IQCK: variants seen among roughly 807,000 people sequenced by gnomAD.
IQCK encodes the protein IQ domain-containing protein K.
In IQCK, 29 loss-of-function variants were observed where a neutral mutation model predicts 28.1. The observed-to-expected ratio is 1.03, with a 90% CI of 0.77 to 1.41. The LOEUF is 1.41. Ranked by LOEUF, IQCK falls within the 40% of genes most tolerant of loss-of-function variation. The probability of loss-of-function intolerance (pLI) is 0.00; values close to 1 mark genes in which losing one functional copy is unlikely to be tolerated. For synonymous variants in IQCK, 113 were observed against 115.1 expected, an observed-to-expected ratio of 0.98 and a Z score of 0.12; for missense variants, 359 against 314.7, an observed-to-expected ratio of 1.14 and a Z score of -1.07.
At chr16:19,718,522 C>T (rs375848009) in intron 1 of IQCK, 35 bp downstream of exon 1, 447 of 1,521,344 alleles carry the variant, frequency 2.9e-4, no homozygotes, top group Non-Finnish European at 3.7e-4. Context: ...GGGGCGGGAC[C>T]CGGGCGGCCG....
intron 4 of IQCK, among the ~76,000 whole-genome samples, chr16:19,748,508 A>G (rs1410920970): frequency 1.3e-5 from 2 of 152,264 alleles, no homozygotes; most frequent in Non-Finnish European, 2.9e-5. Flanking sequence ...TTGTGAGGAT[A>G]AATGAGTTAA....
At chr16:19,814,393 C>T (rs1232241649) in intron 7 of IQCK, among the ~76,000 whole-genome samples, 1 of 151,892 alleles carries the variant, frequency 6.6e-6, no homozygotes, top group Non-Finnish European at 1.5e-5. Flanking sequence ...TGACGAGAAA[C>T]TCCATCTCAA....
At chr16:19,848,043 G>A (rs574650368) in intron 9 of IQCK, among the ~76,000 whole-genome samples, 1 of 152,196 alleles carries the variant, frequency 6.6e-6, no homozygotes, top group Non-Finnish European at 1.5e-5. Context: ...TGGATTTGGA[G>A]TTGCTGGGTT....
intron 4 of IQCK, among the ~76,000 whole-genome samples, chr16:19,756,158 T>C (rs2055049273): frequency 1.3e-5 from 2 of 152,190 alleles, no homozygotes; most frequent in Admixed American, 1.3e-4. Flanking sequence ...CACTCCAGCC[T>C]GGGTGATAGT....
chr16:19,813,860 C>CTTTTG lies in IQCK; in HGVS notation c.691-13146_691-13142dup, dbSNP rs554455168. On this transcript the variant is annotated intron_variant, in intron 7 of 7. Coordinates refer to ENST00000564186, the Ensembl canonical transcript of IQCK. ...GTTGTTTGGGAGGAGGCTGGACAGC[C>CTTTTG]TTTTGTTTTGTTTTGTTTTGTTTTT... 4.8e-4 allele frequency among the ~76,000 whole-genome samples: 73 copies of CTTTTG among 152,076 alleles called. 3 individuals carry two copies. In the South Asian group the frequency reaches 0.013, roughly 26 times the overall value.
intron 4 of IQCK, among the ~76,000 whole-genome samples, chr16:19,756,128 G>GAGCCTTGATTGTGCCACTGCACTC (rs1217056566): frequency 6.6e-6 from 1 of 152,214 alleles, no homozygotes; most frequent in Non-Finnish European, 1.5e-5. Flanking sequence ...AGGCTGCAGT[G>GAGCCTTGATTGTGCCACTGCACTC]AGCCTTGATT....
chr16:19,857,530 T>A (rs183457842), exon 10 of IQCK: 159 of 403,806 alleles, frequency 3.9e-4, no homozygotes, highest in African/African-American at 3.3e-3. Context: ...ATATATATTA[T>A]CTATCAAAAG....
intron 9 of IQCK, among the ~76,000 whole-genome samples, chr16:19,850,019 T>A (rs1014861426): frequency 6.6e-6 from 1 of 152,252 alleles, no homozygotes; most frequent in African/African-American, 2.4e-5. Context: ...CTCCCTGTTT[T>A]TACACTTTGC....
chr16:19,765,530 T>G (rs2055221389), intron 6 of IQCK, among the ~76,000 whole-genome samples: 1 of 151,680 alleles, frequency 6.6e-6, no homozygotes, highest in African/African-American at 2.4e-5. Context: ...AGAGTGAGAC[T>G]CTGTCTCAAA....
intron 9 of IQCK, among the ~76,000 whole-genome samples, chr16:19,853,464 G>C (rs1262937294): frequency 6.6e-6 from 1 of 152,198 alleles, no homozygotes; most frequent in Non-Finnish European, 1.5e-5. Flanking sequence ...TCAAGGTATG[G>C]ACAGGAATTG....
chr16:19,725,395 C>G (rs1977624087), intron 1 of IQCK, among the ~76,000 whole-genome samples: 1 of 152,098 alleles, frequency 6.6e-6, no homozygotes, highest in Non-Finnish European at 1.5e-5. Context: ...CAGGGTTTCA[C>G]TGTGTTGCCC....
intron 3 of IQCK, 67 bp from the exon 4 acceptor site, chr16:19,735,286 A>G: frequency 2.8e-6 from 3 of 1,065,138 alleles, no homozygotes; most frequent in Non-Finnish European, 4.4e-6. Context: ...TCAAAAGTAA[A>G]CATTTCTCCC....
intron 4 of IQCK, 124 bp downstream of exon 4, chr16:19,735,574 T>C: frequency 1.3e-6 from 1 of 778,948 alleles, no homozygotes. Flanking sequence ...AGGGAAAGCC[T>C]GTGTTTGGGG....
chr16:19,852,700 G>C (rs996256042), intron 9 of IQCK, among the ~76,000 whole-genome samples: 10 of 144,026 alleles, frequency 6.9e-5, no homozygotes, highest in Admixed American at 5.9e-4. Context: ...TTGGCTTACT[G>C]CAAGCTCCGC....
intron 3 of IQCK, chr16:19,734,107 G>C (rs1977928978): frequency 3.5e-6 from 1 of 285,716 alleles, no homozygotes; most frequent in Non-Finnish European, 6.6e-6. Flanking sequence ...GGCTGTGATG[G>C]CTCATGCCTG....
rs2055305005 is a variant in IQCK, at chr16:19,770,446, G to A, written c.605+6334G>A. Among the ~76,000 whole-genome samples, 3 of 152,138 alleles carry A rather than the reference G, an allele frequency of 2.0e-5. No homozygotes were observed. In the South Asian group the frequency reaches 6.2e-4, roughly 31 times the overall value. On this transcript the variant is annotated intron_variant, in intron 6 of 7. Transcript: ENST00000564186. ...TGGATTTCACTGGGGTGAAATCAAG[G>A]CATTGGCAGAGCCTAATTCTTTTCT...
chr16:19,724,251 A>G lies in IQCK; in HGVS notation c.181+5764A>G, dbSNP rs560053020. On this transcript the variant is annotated intron_variant, in intron 1 of 7. Coordinates refer to ENST00000564186, the Ensembl canonical transcript of IQCK. ...AAGCCTTCTGTAATTCCTCAGGCCA[A>G]TTTCAAAGCCCCTTCTTTCCTCTCC... 1.9e-4 allele frequency among the ~76,000 whole-genome samples: 29 copies of G among 152,156 alleles called. No homozygotes were observed. In the South Asian group the frequency reaches 5.2e-3, roughly 27 times the overall value.
intron 9 of IQCK, among the ~76,000 whole-genome samples, chr16:19,839,821 T>C (rs960272321): frequency 1.3e-5 from 2 of 151,854 alleles, no homozygotes; most frequent in Non-Finnish European, 2.9e-5. Flanking sequence ...AGAGACCCTG[T>C]ATCCACTAAA....
intron 6 of IQCK, among the ~76,000 whole-genome samples, chr16:19,782,361 G>C (rs1416084478): frequency 2.0e-5 from 3 of 152,026 alleles, no homozygotes; most frequent in African/African-American, 7.2e-5. Flanking sequence ...ACTCCAGCCT[G>C]GGCAACAGAG....
Sources: gnomAD v4.1 joint callset for allele counts (sites outside exome capture counted in the v4.1 genomes callset) on GRCh38, gnomAD v4.1.1 for gene constraint, MANE v1.5 for transcripts, NCBI Gene and HGNC (gene_info 2026-07-23, HGNC 2026-07-21) for gene names.